The following HMGXB3 variants were observed in gnomAD, a reference collection of about 807,000 sequenced individuals.
The protein encoded by HMGXB3 is HMG domain-containing protein 3.
HMGXB3 carries 45 observed loss-of-function variants against 121.5 expected under a neutral mutation model. The ratio of observed to expected loss-of-function variants is 0.37; its 90% CI spans 0.29 to 0.47. The LOEUF (loss-of-function observed/expected upper bound fraction) is 0.47. HMGXB3 is among the 20% of genes least tolerant of loss of function. The pLI is 0.99. For missense variants in HMGXB3, 1,376 were observed against 1,602.2 expected, an observed-to-expected ratio of 0.86 and a Z score of 2.41; for synonymous variants, 590 against 624.1, an observed-to-expected ratio of 0.95 and a Z score of 0.81.
Position 150,010,194 on chromosome 5 carries a change from C to T in HMGXB3, c.396C>T (p.Ile132=), listed in dbSNP as rs1045229379. ...RKILPRSDYI[I]IPKSSLQEDR... is the part of the protein sequence containing the mutation. ...TCCTCCCACGCTCAGATTATATCATCATCCCCAAGAGCAGCCTGCAGGAGG... is the reference window on the plus strand; with the variant it reads ...TCCTCCCACGCTCAGATTATATCATTATCCCCAAGAGCAGCCTGCAGGAGG... The change falls in exon 4 of 20, where the codon ATC becomes ATT. Residue 132 remains isoleucine (I), a synonymous_variant. Transcript: ENST00000502717. 1 of 1,551,708 alleles carries T rather than the reference C, an allele frequency of 6.4e-7. No homozygotes were observed. Among genetic ancestry groups the T allele is most frequent in the African/African-American group, 1.4e-5 (1 of 73,028 alleles).
chr5:150,048,490 G>T lies in HMGXB3; in HGVS notation c.3085-79G>T, dbSNP rs1756813352. The T allele has an allele frequency of 5.2e-6, 5 of 962,576 alleles. No individual in the cohort carries two copies. In the Admixed American group the frequency reaches 8.3e-5, roughly 16 times the overall value. The allele number at this position is 962,576 out of a possible 1,614,324, so 59.6% of individuals were successfully genotyped here. A position where few individuals can be genotyped will look rare whatever the true frequency, so the allele number is the denominator to read the frequency against. ...TTTATTCTTTTGCTTTGGGTGTTGG[G>T]TGAGTGTGTGATGCTGAGCACCAGC... On this transcript the variant is annotated intron_variant, in intron 17 of 19. Coordinates refer to ENST00000502717, the MANE Select transcript of HMGXB3 (RefSeq NM_014983.3).
intron 13 of HMGXB3, 140 bp downstream of exon 13, chr5:150,037,667 G>GGACTAAGACCTAAA (rs1283863043): frequency 1.5e-6 from 1 of 649,500 alleles, no homozygotes. Context: ...CTTCCTAAAT[G>GGACTAAGACCTAAA]TCTTAGTCCC....
intron 10 of HMGXB3, 117 bp downstream of exon 10, chr5:150,030,956 A>T (rs2278394): frequency 4.5e-6 from 3 of 664,334 alleles, no homozygotes; most frequent in East Asian, 2.8e-5. Flanking sequence ...GAACAGGGTC[A>T]GGTATAGATT....
chr5:150,004,914 A>G lies in HMGXB3; in HGVS notation c.62A>G (p.Tyr21Cys). 1.3e-6 allele frequency: 2 copies of G among 1,551,866 alleles called. No homozygotes were observed. The highest frequency in any genetic ancestry group is 8.7e-7 in the Non-Finnish European group (1 of 1,146,992). ...GTGATGGAGGAAATTGAGGAAGCCTATTGTTACACCTCTCCTGGGCCACCC... is the reference window on the plus strand; with the variant it reads ...GTGATGGAGGAAATTGAGGAAGCCTGTTGTTACACCTCTCCTGGGCCACCC... ...TVVMEEIEEAYCYTSPGPPKK... is the reference protein window; with the variant it reads ...TVVMEEIEEACCYTSPGPPKK... Residue 21 changes from tyrosine to cysteine, a missense_variant, in exon 2 of 20, where the codon TAT becomes TGT. By Grantham distance (194) the Tyr-to-Cys change is radical (BLOSUM62 -2). Coordinates refer to ENST00000502717, the MANE Select transcript of HMGXB3 (RefSeq NM_014983.3).
At chr5:150,029,732 T>C (rs1309693147) in intron 9 of HMGXB3, among the ~76,000 whole-genome samples, 1 of 152,224 alleles carries the variant, frequency 6.6e-6, no homozygotes, top group East Asian at 1.9e-4. Flanking sequence ...CCATCTCCCC[T>C]GTCATGTGTT....
chr5:150,046,668 C>G (rs1177793932), intron 16 of HMGXB3, among the ~76,000 whole-genome samples: 1 of 151,894 alleles, frequency 6.6e-6, no homozygotes, highest in Admixed American at 6.6e-5. Context: ...AAAAATTAGC[C>G]GGGCATGGTG....
rs896953919 is a variant in HMGXB3 at position 150,008,725 on chromosome 5, A to G, written c.313-1386A>G. On this transcript the variant is annotated intron_variant, in intron 3 of 19. Coordinates refer to ENST00000502717, the MANE Select transcript of HMGXB3 (RefSeq NM_014983.3). ...AAAATGAGTATCATTCAGGCCTTCC[A>G]GGTTTCTTTGTGCTTGGATTTGTTA... 5.3e-5 allele frequency among the ~76,000 whole-genome samples: 8 copies of G among 152,276 alleles called. No individual in the cohort carries two copies. In the South Asian group the frequency reaches 1.4e-3, roughly 28 times the overall value.
chr5:150,043,082 T>C (rs1210472640), intron 15 of HMGXB3, among the ~76,000 whole-genome samples: 12 of 152,216 alleles, frequency 7.9e-5, no homozygotes, highest in Admixed American at 7.9e-4. Context: ...GTAGGAAATA[T>C]GTTAATGTAA....
At position 150,052,135 on chromosome 5, in the gene HMGXB3, C is replaced by T; in HGVS notation, c.3822C>T (p.Ile1274=). The part of the protein sequence containing the change: ...DTLYRLGVAQ[I]KTETEEEGEE... Reference sequence around the variant, plus strand: ...TCTACCGCCTTGGGGTTGCTCAGATCAAGACAGAGACAGAGGAGGAGGGTG... The same window carrying T: ...TCTACCGCCTTGGGGTTGCTCAGATTAAGACAGAGACAGAGGAGGAGGGTG... Residue 1274 remains isoleucine (I), a synonymous_variant, in exon 20 of 20, where the codon ATC becomes ATT. Transcript: ENST00000502717. 6.4e-7 allele frequency: 1 copy of T among 1,551,396 alleles called. No individual in the cohort carries two copies. Among genetic ancestry groups the T allele is most frequent in the Non-Finnish European group, 8.7e-7 (1 of 1,146,900 alleles).
intron 9 of HMGXB3, among the ~76,000 whole-genome samples, chr5:150,029,121 C>G (rs548485299): frequency 1.3e-5 from 2 of 152,098 alleles, no homozygotes; most frequent in Non-Finnish European, 2.9e-5. Flanking sequence ...GCTTTCAGGT[C>G]TTTTCCTGAA....
chr5:150,043,125 A>G (rs1052489713), intron 15 of HMGXB3, among the ~76,000 whole-genome samples: 3 of 152,240 alleles, frequency 2.0e-5, no homozygotes, highest in East Asian at 1.9e-4. Flanking sequence ...GGGAAACCCT[A>G]TATGATAATT....
chr5:150,005,017 A>G, intron 2 of HMGXB3, 28 bp downstream of exon 2: 1 of 1,533,704 alleles, frequency 6.5e-7, no homozygotes, highest in Non-Finnish European at 8.8e-7. Flanking sequence ...GGTTGCTGCT[A>G]GCATTTATAA....
Position 150,030,669 on chromosome 5 carries a change from C to T in HMGXB3, c.1735-72C>T, listed in dbSNP as rs116445625. 1.2e-3 allele frequency: 1,296 copies of T among 1,117,490 alleles called. 7 individuals carry two copies. In the African/African-American group the frequency reaches 0.013, roughly 11 times the overall value. The allele number at this position is 1,117,490 out of a possible 1,614,324, so 69.2% of individuals were successfully genotyped here. On this transcript the variant is annotated intron_variant, in intron 9 of 19. Coordinates refer to ENST00000502717, the MANE Select transcript of HMGXB3 (RefSeq NM_014983.3). ...TCCCCGGGAAAGCATTCCCTCAAGT[C>T]GTTTCAGGACATGGGAGCTCAGGAG...
At chr5:150,041,727 C>G in intron 14 of HMGXB3, 58 bp from the exon 15 acceptor site, 3 of 1,324,784 alleles carry the variant, frequency 2.3e-6, no homozygotes, top group Non-Finnish European at 3.2e-6. Flanking sequence ...CTGGCTCATC[C>G]CTAGTGGCTT....
chr5:150,045,088 T>C (rs1324628218), intron 15 of HMGXB3, among the ~76,000 whole-genome samples: 1 of 152,250 alleles, frequency 6.6e-6, no homozygotes, highest in Non-Finnish European at 1.5e-5. Context: ...CTTCGAGTGC[T>C]TGAATACTCA....
intron 11 of HMGXB3, 34 bp downstream of exon 11, chr5:150,032,637 T>C (rs1287331852): frequency 1.9e-6 from 3 of 1,550,452 alleles, no homozygotes; most frequent in Non-Finnish European, 2.6e-6. Flanking sequence ...TCCCCTGGCC[T>C]GTTCTGGGCT....
At chr5:150,017,339 T>C (rs934495179) in intron 5 of HMGXB3, among the ~76,000 whole-genome samples, 7 of 152,222 alleles carry the variant, frequency 4.6e-5, no homozygotes, top group Non-Finnish European at 1.0e-4. Flanking sequence ...GGATCAGAGA[T>C]GTTTTATATT....
At chr5:150,022,059 T>TCTG in intron 6 of HMGXB3, 1 of 274,040 alleles carries the variant, frequency 3.6e-6, no homozygotes, top group African/African-American at 2.2e-5. Context: ...AGCAAAACAT[T>TCTG]ATATTTTTTT....
In HMGXB3 at chr5:150,028,541, G is replaced by GTATA. The variant is rs1554098997; in HGVS notation, c.1734+1440_1734+1443dup. Among the ~76,000 whole-genome samples, 87 of 42,082 alleles carry GTATA rather than the reference G, an allele frequency of 2.1e-3. 2 individuals carry two copies. Among genetic ancestry groups the GTATA allele is most frequent in the Non-Finnish European group, 3.4e-3 (68 of 20,072 alleles). 27.6% of individuals were successfully genotyped at this position (42,082 alleles called of 152,430 possible). A position where few individuals can be genotyped will look rare whatever the true frequency, so the allele number is the denominator to read the frequency against. Reference sequence around the variant, plus strand: ...TGTGTGTGTGTGTGTGTGTGTGTGTGTATATATATATATATATATTTTTTT... The same window carrying GTATA: ...TGTGTGTGTGTGTGTGTGTGTGTGTGTATATATATATATATATATATATTTTTTT... On this transcript the variant is annotated intron_variant, in intron 9 of 19. Transcript: ENST00000502717.
Sources: gnomAD v4.1 joint callset for allele counts (sites outside exome capture counted in the v4.1 genomes callset) on GRCh38, gnomAD v4.1.1 for gene constraint, MANE v1.5 for transcripts, NCBI Gene and HGNC (gene_info 2026-07-23, HGNC 2026-07-21) for gene names.